The following GALNTL6 variants were observed in gnomAD, a reference collection of about 807,000 sequenced individuals.
The protein encoded by GALNTL6 is polypeptide N-acetylgalactosaminyltransferase-like 6.
Under a neutral mutation model 73.7 loss-of-function variants are expected in GALNTL6, and 46 were observed. The ratio of observed to expected loss-of-function variants is 0.62; its 90% CI spans 0.49 to 0.80. The LOEUF (loss-of-function observed/expected upper bound fraction) is 0.80. Among genes scored for constraint, GALNTL6 ranks in the 30% least tolerant of loss-of-function variants. The pLI is 0.00. For missense variants in GALNTL6, 604 were observed against 755.0 expected (o/e 0.80, Z 2.34); for synonymous variants, 259 against 263.7 (o/e 0.98, Z 0.17).
chr4:172,509,271 CT>C (rs199947552), intron 5 of GALNTL6, among the ~76,000 whole-genome samples: 1,785 of 53,714 alleles, frequency 0.033, 686 homozygotes, highest in African/African-American at 0.078. Flanking sequence ...CTATTCATGT[CT>C]TTAGCCCACT....
intron 7 of GALNTL6, among the ~76,000 whole-genome samples, chr4:172,838,397 A>G (rs1184032822): frequency 6.6e-6 from 1 of 152,204 alleles, no homozygotes; most frequent in Non-Finnish European, 1.5e-5. Context: ...GGGATGTCCC[A>G]GGGTCAGCTG....
intron 5 of GALNTL6, among the ~76,000 whole-genome samples, chr4:172,559,267 T>C (rs1477385382): frequency 6.6e-6 from 1 of 151,870 alleles, no homozygotes; most frequent in Non-Finnish European, 1.5e-5. Context: ...GGTTTCACCA[T>C]GTTAGCCAGG....
intron 2 of GALNTL6, among the ~76,000 whole-genome samples, chr4:171,920,079 A>C (rs1737741197): frequency 6.6e-6 from 1 of 152,062 alleles, no homozygotes; most frequent in South Asian, 2.1e-4. Context: ...ATGCAGCCAT[A>C]AAAAATGATG....
At chr4:172,088,257 G>C (rs1483653695) in intron 2 of GALNTL6, among the ~76,000 whole-genome samples, 2 of 151,926 alleles carry the variant, frequency 1.3e-5, no homozygotes, top group African/African-American at 4.8e-5. Context: ...CATTATTTTA[G>C]CTTTATGCTT....
At chr4:172,242,935 G>C (rs1052119678) in intron 3 of GALNTL6, among the ~76,000 whole-genome samples, 4 of 152,160 alleles carry the variant, frequency 2.6e-5, no homozygotes, top group African/African-American at 9.7e-5. Context: ...TCAAATAAAA[G>C]CCAGAAGGAT....
chr4:171,837,696 T>C (rs1272819126), intron 2 of GALNTL6, among the ~76,000 whole-genome samples: 1 of 147,210 alleles, frequency 6.8e-6, no homozygotes, highest in East Asian at 1.9e-4. Flanking sequence ...ATTTATATGT[T>C]ATATATATTT....
rs115282200 is a variant in GALNTL6 at position 171,882,346 on chromosome 4, A to C, written c.138+67628A>C. Among the ~76,000 whole-genome samples, 1,012 of 152,346 alleles carry C rather than the reference A, an allele frequency of 6.6e-3. 14 individuals carry two copies. The highest frequency in any genetic ancestry group is 0.023 in the African/African-American group (944 of 41,584). ...TATGTGGATAGGAGATGCTATAGTG[A>C]ATAAACTATTGTATTAGGGTTCTCT... On this transcript the variant is annotated intron_variant, in intron 2 of 12. Transcript: ENST00000506823.
intron 5 of GALNTL6, among the ~76,000 whole-genome samples, chr4:172,758,720 T>A (rs6851573): frequency 0.96 from 145,601 of 152,298 alleles, 69,931 homozygotes; most frequent in East Asian, 1. Context: ...GAGTAGCATG[T>A]CAAAATTTCA....
At chr4:171,868,425 A>T (rs1270907873) in intron 2 of GALNTL6, among the ~76,000 whole-genome samples, 4 of 152,044 alleles carry the variant, frequency 2.6e-5, no homozygotes, top group African/African-American at 9.7e-5. Flanking sequence ...ATCCTAAACA[A>T]CCTGTGGATG....
At chr4:172,995,691 G>A (rs559173915) in intron 10 of GALNTL6, among the ~76,000 whole-genome samples, 1 of 152,218 alleles carries the variant, frequency 6.6e-6, no homozygotes, top group East Asian at 1.9e-4. Context: ...TCTGAGTTTT[G>A]TAAATTGTAG....
At position 171,977,081 on chromosome 4, in the gene GALNTL6, A is replaced by G. The variant is rs114300767; in HGVS notation, c.138+162363A>G. The stretch of plus-strand genomic sequence containing the variant: ...CCTTTTACTGATTAATATATCTGCC[A>G]GCTATGACTCTGGGCATTCAGAAGA... On this transcript the variant is annotated intron_variant, in intron 2 of 12. Coordinates refer to ENST00000506823, the MANE Select transcript of GALNTL6 (RefSeq NM_001034845.3). 8.5e-3 allele frequency among the ~76,000 whole-genome samples: 1,292 copies of G among 152,352 alleles called. 11 individuals carry two copies. Among genetic ancestry groups the G allele is most frequent in the South Asian group, 0.014 (67 of 4,828 alleles).
chr4:173,033,627 C>T (rs1387415935), intron 12 of GALNTL6, among the ~76,000 whole-genome samples: 1 of 152,168 alleles, frequency 6.6e-6, no homozygotes, highest in African/African-American at 2.4e-5. Context: ...CCACTCCCCT[C>T]CTGCCCACTC....
intron 8 of GALNTL6, among the ~76,000 whole-genome samples, chr4:172,905,644 C>T (rs970267471): frequency 2.0e-5 from 3 of 151,834 alleles, no homozygotes; most frequent in Non-Finnish European, 4.4e-5. Flanking sequence ...AAGATAAAAT[C>T]AAAATTAGTA....
chr4:172,642,159 C>T (rs901935151), intron 5 of GALNTL6, among the ~76,000 whole-genome samples: 2 of 151,866 alleles, frequency 1.3e-5, no homozygotes, highest in Non-Finnish European at 2.9e-5. Context: ...TTGTAGAAAA[C>T]AGTATGAAGC....
chr4:171,997,318 G>A (rs1177974814), intron 2 of GALNTL6, among the ~76,000 whole-genome samples: 1 of 151,886 alleles, frequency 6.6e-6, no homozygotes, highest in African/African-American at 2.4e-5. Flanking sequence ...TTTGAACACA[G>A]CAAATATCAA....
intron 5 of GALNTL6, among the ~76,000 whole-genome samples, chr4:172,647,389 A>C (rs970057019): frequency 6.6e-6 from 1 of 152,118 alleles, no homozygotes; most frequent in Non-Finnish European, 1.5e-5. Context: ...AGCAAAGATC[A>C]CTAAAATTTC....
chr4:172,369,730 G>T (rs1481763766), intron 5 of GALNTL6, among the ~76,000 whole-genome samples: 1 of 152,172 alleles, frequency 6.6e-6, no homozygotes, highest in Non-Finnish European at 1.5e-5. Flanking sequence ...GCCCCTCACT[G>T]CCCGGGGCCG....
At chr4:171,888,311 C>T (rs960555782) in intron 2 of GALNTL6, among the ~76,000 whole-genome samples, 1 of 150,422 alleles carries the variant, frequency 6.6e-6, no homozygotes, top group African/African-American at 2.5e-5. Flanking sequence ...ACTTACATAA[C>T]TTTAAAGTTC....
chr4:172,214,755 G>A (rs560660766), intron 2 of GALNTL6, among the ~76,000 whole-genome samples: 17 of 151,900 alleles, frequency 1.1e-4, no homozygotes, highest in South Asian at 4.2e-4. Flanking sequence ...CCTCATGATC[G>A]GCCTGCCTTG....
Sources: allele counts gnomAD v4.1 joint callset (sites outside exome capture counted in the v4.1 genomes callset), GRCh38; gene constraint gnomAD v4.1.1; transcripts MANE v1.5; gene names NCBI Gene and HGNC (gene_info 2026-07-23, HGNC 2026-07-21).